PIK3R2: variants seen among roughly 807,000 people sequenced by gnomAD.
PIK3R2 encodes the protein phosphoinositide-3-kinase regulatory subunit 2, also known as phosphatidylinositol 3-kinase regulatory subunit beta.
A neutral mutation model predicts 78.5 loss-of-function variants in PIK3R2; 40 were observed. The observed-to-expected ratio is 0.51, with a 90% CI of 0.40 to 0.66. PIK3R2 has a LOEUF of 0.66. PIK3R2 is among the 30% of genes least tolerant of loss of function. PIK3R2 has a pLI of 0.00. For synonymous variants in PIK3R2, 473 were observed against 457.7 expected, an observed-to-expected ratio of 1.03 and a Z score of -0.43; for missense variants, 880 against 1,026.6, an observed-to-expected ratio of 0.86 and a Z score of 1.95.
rs2147957632 is a variant in PIK3R2 at position 18,167,194 on chromosome 19, C to T, written c.1624C>T (p.Leu542=). Residue 542 remains leucine (L), a synonymous_variant, in exon 13 of 16, where the codon CTG becomes TTG. Coordinates refer to ENST00000222254, the MANE Select transcript of PIK3R2 (RefSeq NM_005027.4). This position sits in a 1 kb window ranked among gnomAD's most constrained non-coding sequence, Gnocchi z 4.5. ...CGAGATCCATGAGAGCCGCACGAAGCTGGAGCAGCAGCTGCGGGCCCAGGC... is the reference window on the plus strand; with the variant it reads ...CGAGATCCATGAGAGCCGCACGAAGTTGGAGCAGCAGCTGCGGGCCCAGGC... ...IAEIHESRTK[L]EQQLRAQASD... The T allele has an allele frequency of 6.2e-7, 1 of 1,611,736 alleles. No individual in the cohort carries two copies. The highest frequency in any genetic ancestry group is 8.5e-7 in the Non-Finnish European group (1 of 1,179,062).
At position 18,168,986 on chromosome 19, in the gene PIK3R2, C is replaced by T; in HGVS notation, c.1979+90C>T. 6.4e-7 allele frequency: 1 copy of T among 1,558,724 alleles called. No homozygotes were observed. Among genetic ancestry groups the T allele is most frequent in the Middle Eastern group, 1.7e-4 (1 of 5,924 alleles). ...CGTGCCAGGCCTTGGGAAGGAGTCC[C>T]TGGTGGGGTCATCCGGGACAGGGGA... On this transcript the variant is annotated intron_variant, in intron 15 of 15. Transcript: ENST00000222254. This position sits in a 1 kb window ranked among gnomAD's most constrained non-coding sequence, Gnocchi z 4.1.
intron 9 of PIK3R2, 115 bp from the exon 10 acceptor site, chr19:18,162,852 T>C: frequency 1.1e-6 from 1 of 938,364 alleles, no homozygotes; most frequent in South Asian, 1.7e-5. Context: ...ATCGCACCAC[T>C]GCACTGCAGC....
At position 18,161,316 on chromosome 19, in the gene PIK3R2, G is replaced by A. The variant is rs2043741900; in HGVS notation, c.636G>A (p.Pro212=). The change falls in exon 6 of 16, where the codon CCG becomes CCA. Residue 212 remains proline, a synonymous_variant. Transcript: ENST00000222254. This position sits in a 1 kb window ranked among gnomAD's most constrained non-coding sequence, Gnocchi z 5.3. ...AGPVGPALEP[P]TLPLHRALTL... ...CCGTGGGGCCGGCGCTGGAGCCACC[G>A]ACGCTGCCGCTGCACCGCGCGCTCA... is the stretch of plus-strand genomic sequence containing the variant. The A allele has an allele frequency of 8.1e-6, 11 of 1,353,502 alleles. No individual in the cohort carries two copies. Among genetic ancestry groups the A allele is most frequent in the South Asian group, 1.8e-5 (1 of 56,848 alleles). 83.8% of individuals were successfully genotyped at this position (1,353,502 alleles called of 1,614,324 possible).
chr19:18,169,150 G>T lies in PIK3R2; in HGVS notation c.2043G>T (p.Glu681Asp). ...YRTATGFGFA[E>D]PYNLYGSLKE... ...CGGCCACCGGCTTCGGCTTCGCGGA[G>T]CCCTACAACCTGTACGGGTCGCTGA... Residue 681 changes from glutamate to aspartate, a missense_variant, in exon 16 of 16, where the codon GAG becomes GAT. Around this residue, in one of 3 missense-constraint regions of PIK3R2, gnomAD observed 268 missense variants for 299.1 expected, o/e 0.90. Coordinates refer to ENST00000222254, the MANE Select transcript of PIK3R2 (RefSeq NM_005027.4). 6.2e-7 allele frequency: 1 copy of T among 1,611,660 alleles called. No homozygotes were observed. Among genetic ancestry groups the T allele is most frequent in the Non-Finnish European group, 8.5e-7 (1 of 1,179,864 alleles).
Position 18,167,223 on chromosome 19 carries a change from G to A in PIK3R2, c.1653G>A (p.Ser551=), listed in dbSNP as rs754057456. The change falls in exon 13 of 16, where the codon TCG becomes TCA. Residue 551 remains serine (S), a synonymous_variant. Transcript: ENST00000222254. The surrounding 1 kb of genome is among the most constrained non-coding windows in gnomAD (Gnocchi z 4.5). ...AGCAGCAGCTGCGGGCCCAGGCCTC[G>A]GACAACAGAGAGATCGACAAGCGCA... ...KLEQQLRAQA[S]DNREIDKRMN... 2.1e-5 allele frequency: 34 copies of A among 1,611,800 alleles called. No individual in the cohort carries two copies. The highest frequency in any genetic ancestry group is 3.3e-5 in the South Asian group (3 of 90,586).
intron 2 of PIK3R2, among the ~76,000 whole-genome samples, chr19:18,160,072 G>A (rs1378729414): frequency 3.9e-5 from 6 of 152,056 alleles, no homozygotes; most frequent in Non-Finnish European, 8.8e-5. Context: ...CAGCCAGTGG[G>A]TTTAGTGTCC....
At chr19:18,166,043 C>G (rs1353775212) in intron 11 of PIK3R2, 117 bp from the exon 12 acceptor site, 2 of 1,307,860 alleles carry the variant, frequency 1.5e-6, no homozygotes, top group Non-Finnish European at 2.2e-6. Context: ...AAGAATGACA[C>G]TCTGATAGAG....
At chr19:18,163,919 G>A (rs1175758680) in intron 11 of PIK3R2, among the ~76,000 whole-genome samples, 3 of 152,022 alleles carry the variant, frequency 2.0e-5, no homozygotes. Context: ...CTGAGGTCAG[G>A]AGTTCGAGAC....
chr19:18,159,324 G>C (rs2043716407), intron 2 of PIK3R2, among the ~76,000 whole-genome samples: 1 of 151,670 alleles, frequency 6.6e-6, no homozygotes, highest in Admixed American at 6.6e-5. Flanking sequence ...GTTTCTGGAG[G>C]CTGGAAGTCC....
In PIK3R2 at chr19:18,155,584, C is replaced by G. The variant is rs2043668618; in HGVS notation, c.-296C>G. On this transcript the variant is annotated 5_prime_UTR_variant, in exon 2 of 16. Coordinates refer to ENST00000222254, the MANE Select transcript of PIK3R2 (RefSeq NM_005027.4). ...CGTGTGAGGGCGTGAGCGGCCTGCCCCAGCCTCACCTGCTGATGGAGGACT... is the reference window on the plus strand; with the variant it reads ...CGTGTGAGGGCGTGAGCGGCCTGCCGCAGCCTCACCTGCTGATGGAGGACT... 4.0e-6 allele frequency: 2 copies of G among 499,628 alleles called. No homozygotes were observed. The highest frequency in any genetic ancestry group is 7.9e-5 in the Admixed American group (2 of 25,264). 30.9% of individuals were successfully genotyped at this position (499,628 alleles called of 1,614,324 possible).
rs1418686591 is a variant in PIK3R2 at position 18,169,222 on chromosome 19, C to T, written c.2115C>T (p.Asn705=). 2 of 1,600,506 alleles carry T rather than the reference C, an allele frequency of 1.2e-6. No individual in the cohort carries two copies. The highest frequency in any genetic ancestry group is 8.5e-7 in the Non-Finnish European group (1 of 1,178,406). Residue 705 remains asparagine, a synonymous_variant, in exon 16 of 16, where the codon AAC becomes AAT. Transcript: ENST00000222254. Reference sequence around the variant, plus strand: ...AGCACGCCTCGCTGGTGCAGCACAACGACGCGCTCACCGTCACCCTGGCGC... The same window carrying T: ...AGCACGCCTCGCTGGTGCAGCACAATGACGCGCTCACCGTCACCCTGGCGC... ...HYQHASLVQH[N]DALTVTLAHP... is the part of the protein sequence containing the mutation.
In PIK3R2 at chr19:18,161,139, G is replaced by A. The variant is rs1196451421; in HGVS notation, c.552G>A (p.Pro184=). 1.9e-6 allele frequency: 3 copies of A among 1,556,512 alleles called. No homozygotes were observed. The highest frequency in any genetic ancestry group is 3.9e-5 in the Admixed American group (2 of 51,478). The change falls in exon 5 of 16, where the codon CCG becomes CCA. Residue 184 remains proline, a synonymous_variant. Transcript: ENST00000222254. The surrounding 1 kb of genome is among the most constrained non-coding windows in gnomAD (Gnocchi z 5.3). ...IKSFLLALPA[P]LVTPEASAEA... ...GCTTCCTGCTGGCACTGCCCGCGCC[G>A]CTCGTGACCCCCGAGGCCTCGGCCG...
rs746544967 is a variant in PIK3R2, at chr19:18,161,135, C to G, written c.548C>G (p.Ala183Gly). 1 of 1,559,192 alleles carries G rather than the reference C, an allele frequency of 6.4e-7. No homozygotes were observed. ...GIKSFLLALP[A>G]PLVTPEASAE... ...AAGAGCTTCCTGCTGGCACTGCCCG[C>G]GCCGCTCGTGACCCCCGAGGCCTCG... The change falls in exon 5 of 16, where the codon GCG (alanine) becomes GGG (glycine). Residue 183 changes from alanine (A) to glycine (G), a missense_variant. Physicochemically the swap from Ala to Gly is moderately conservative, Grantham distance 60 (BLOSUM62 0). Coordinates refer to ENST00000222254, the MANE Select transcript of PIK3R2 (RefSeq NM_005027.4). This position sits in a 1 kb window ranked among gnomAD's most constrained non-coding sequence, Gnocchi z 5.3.
At position 18,160,922 on chromosome 19, in the gene PIK3R2, T is replaced by A. The variant is rs1477817621; in HGVS notation, c.419T>A (p.Leu140Gln). Reference protein sequence around the residue: ...KLVEAIERTGLDSESHYRPEL... With the variant: ...KLVEAIERTGQDSESHYRPEL... ...CGCCTGTCCCCTTCACCCCCAGGGCTGGACAGCGAATCTCACTACCGCCCG... is the reference window on the plus strand; with the variant it reads ...CGCCTGTCCCCTTCACCCCCAGGGCAGGACAGCGAATCTCACTACCGCCCG... The change falls in exon 4 of 16, where the codon CTG becomes CAG. Residue 140 changes from leucine to glutamine, a missense_variant. Physicochemically the swap from Leu to Gln is moderately radical, Grantham distance 113. Coordinates refer to ENST00000222254, the MANE Select transcript of PIK3R2 (RefSeq NM_005027.4). The A allele has an allele frequency of 3.1e-6, 5 of 1,609,156 alleles. No homozygotes were observed. Among genetic ancestry groups the A allele is most frequent in the Non-Finnish European group, 4.2e-6 (5 of 1,178,354 alleles).
chr19:18,157,108 C>A (rs2043685228), intron 2 of PIK3R2, among the ~76,000 whole-genome samples: 1 of 152,244 alleles, frequency 6.6e-6, no homozygotes, highest in East Asian at 1.9e-4. Flanking sequence ...AGGTGCCAGG[C>A]CTGCTTTGTG....
In PIK3R2 at chr19:18,169,169, T is replaced by G. The variant is rs2147960664; in HGVS notation, c.2062T>G (p.Ser688Ala). 6.2e-7 allele frequency: 1 copy of G among 1,610,732 alleles called. No individual in the cohort carries two copies. The highest frequency in any genetic ancestry group is 8.5e-7 in the Non-Finnish European group (1 of 1,179,794). Residue 688 changes from serine (S) to alanine (A), a missense_variant, in exon 16 of 16, where the codon TCG (serine) becomes GCG (alanine). Physicochemically the swap from Ser to Ala is moderately conservative, Grantham distance 99. Around this residue, in one of 3 missense-constraint regions of PIK3R2, gnomAD observed 268 missense variants for 299.1 expected, o/e 0.90. Coordinates refer to ENST00000222254, the MANE Select transcript of PIK3R2 (RefSeq NM_005027.4). ...CGCGGAGCCCTACAACCTGTACGGG[T>G]CGCTGAAGGAGCTGGTGCTGCACTA... ...GFAEPYNLYG[S>A]LKELVLHYQH...
At position 18,156,315 on chromosome 19, in the gene PIK3R2, G is replaced by A. The variant is rs542345988; in HGVS notation, c.322+114G>A. The A allele has an allele frequency of 5.7e-5, 48 of 844,890 alleles. No individual in the cohort carries two copies. The African/African-American group carries it at 7.9e-4, about 14-fold the overall frequency. The allele number at this position is 844,890 out of a possible 1,614,324, so 52.3% of individuals were successfully genotyped here. ...AAGGAAGGAGGAAAAAGGACATTTG[G>A]TCATTTGACAAGTGTCTTCAGTGCT... On this transcript the variant is annotated intron_variant, in intron 2 of 15. Transcript: ENST00000222254. This position sits in a 1 kb window ranked among gnomAD's most constrained non-coding sequence, Gnocchi z 4.2.
intron 1 of PIK3R2, among the ~76,000 whole-genome samples, chr19:18,154,978 C>T (rs938874252): frequency 1.3e-5 from 2 of 151,260 alleles, no homozygotes; most frequent in African/African-American, 4.9e-5. Context: ...CTTTGGGAGG[C>T]CAAGGCGAGC....
At chr19:18,159,528 G>A (rs534094991) in intron 2 of PIK3R2, among the ~76,000 whole-genome samples, 1 of 151,938 alleles carries the variant, frequency 6.6e-6, no homozygotes, top group Admixed American at 6.6e-5. Context: ...TGCAACCTCC[G>A]CCTCCTGGGT....
Sources: allele counts gnomAD v4.1 joint callset (sites outside exome capture counted in the v4.1 genomes callset), GRCh38; gene constraint gnomAD v4.1.1; regional missense constraint gnomAD v4.1.1; non-coding constraint Gnocchi (gnomAD v3.1); transcripts MANE v1.5; gene names NCBI Gene and HGNC (gene_info 2026-07-23, HGNC 2026-07-21).